ITGAL: variants seen among roughly 807,000 people sequenced by gnomAD.
The protein encoded by ITGAL is integrin subunit alpha L.
ITGAL carries 68 observed loss-of-function variants against 138.4 expected under a neutral mutation model. The ratio of observed to expected loss-of-function variants is 0.49; its 90% CI spans 0.40 to 0.60. ITGAL has a LOEUF of 0.60. Among genes scored for constraint, ITGAL ranks in the 20% least tolerant of loss-of-function variants. The probability of loss-of-function intolerance (pLI) is 0.00; values close to 1 mark genes in which losing one functional copy is unlikely to be tolerated. For synonymous variants in ITGAL, 561 were observed against 584.3 expected (o/e 0.96, Z 0.57); for missense variants, 1,256 against 1,478.6 (o/e 0.85, Z 2.47).
At chr16:30,506,658 C>A in intron 20 of ITGAL, 57 bp from the exon 21 acceptor site, 2 of 1,350,630 alleles carry the variant, frequency 1.5e-6, no homozygotes, top group African/African-American at 1.5e-5. Flanking sequence ...TCCCTCAGTT[C>A]TGATATTCCC....
At chr16:30,501,532 G>A (rs1244275185) in intron 17 of ITGAL, among the ~76,000 whole-genome samples, 10 of 149,592 alleles carry the variant, frequency 6.7e-5, no homozygotes, top group African/African-American at 2.5e-4. Context: ...AGCCGAGATC[G>A]TGCCATTGCA....
intron 4 of ITGAL, chr16:30,477,035 C>T (rs1467484207): frequency 6.6e-6 from 1 of 152,170 alleles, no homozygotes; most frequent in Non-Finnish European, 1.5e-5. Context: ...GAGACTTGAC[C>T]AAGGTCACAT....
At chr16:30,484,365 T>C (rs2050608273) in intron 9 of ITGAL, 102 bp downstream of exon 9, 1 of 1,159,012 alleles carries the variant, frequency 8.6e-7, no homozygotes, top group Admixed American at 2.2e-5. Context: ...TCCCAGCACT[T>C]TGGGAGGCCG....
In ITGAL at chr16:30,483,942, A is replaced by G; in HGVS notation, c.838A>G (p.Ile280Val). 6.2e-7 allele frequency: 1 copy of G among 1,613,494 alleles called. No homozygotes were observed. Among genetic ancestry groups the G allele is most frequent in the South Asian group, 1.1e-5 (1 of 91,084 alleles). The change falls in exon 8 of 31, where the codon ATC (isoleucine) becomes GTC (valine). Residue 280 changes from isoleucine to valine, a missense_variant. Around this residue, in one of 3 missense-constraint regions of ITGAL, gnomAD observed 177 missense variants for 288.8 expected, o/e 0.61. Transcript: ENST00000356798. ...SGNIDAAKDIIRYIIGIGKHF... is the reference protein window; with the variant it reads ...SGNIDAAKDIVRYIIGIGKHF... ...CAACATCGATGCGGCCAAAGACATC[A>G]TCCGCTACATCATCGGGGTAGGGCC...
intron 4 of ITGAL, 64 bp from the exon 5 acceptor site, chr16:30,479,027 T>A: frequency 8.0e-7 from 1 of 1,244,108 alleles, no homozygotes; most frequent in Non-Finnish European, 1.2e-6. Context: ...TAGTTTTGGT[T>A]GATGTTGCCC....
At chr16:30,515,927 G>A (rs998323351) in intron 25 of ITGAL, among the ~76,000 whole-genome samples, 4 of 151,356 alleles carry the variant, frequency 2.6e-5, no homozygotes, top group African/African-American at 7.3e-5. Flanking sequence ...AGCTGTGATC[G>A]TGCCATCGCA....
rs564808557 is a variant in ITGAL, at chr16:30,481,334, G to A, written c.577-105G>A. 9 of 919,944 alleles carry A rather than the reference G, an allele frequency of 9.8e-6. No homozygotes were observed. The South Asian group carries it at 1.3e-4, about 13-fold the overall frequency. The allele number at this position is 919,944 out of a possible 1,614,324, so 57.0% of individuals were successfully genotyped here. A position where few individuals can be genotyped will look rare whatever the true frequency, so the allele number is the denominator to read the frequency against. ...GCACTCCAGCCTGGGCAACAAGAGC[G>A]AAACTCCATCTAAAAAAAAAAAAAA... On this transcript the variant is annotated intron_variant, in intron 6 of 30. Coordinates refer to ENST00000356798, the MANE Select transcript of ITGAL (RefSeq NM_002209.3).
rs1156767705 is a variant in ITGAL, at chr16:30,504,195, C to T, written c.2166C>T (p.Ile722=). Residue 722 remains isoleucine (I), a synonymous_variant, in exon 18 of 31, where the codon ATC becomes ATT. Transcript: ENST00000356798. ...CTCAGGTATGTGTTCAAGACCTCAT[C>T]TCCCCCATCAATGTTTCCCTGAATT... ...FHFPVCVQDL[I]SPINVSLNFS... is the part of the protein sequence containing the mutation. 1 of 1,613,514 alleles carries T rather than the reference C, an allele frequency of 6.2e-7. No individual in the cohort carries two copies.
At chr16:30,476,296 G>C (rs1263027033) in intron 4 of ITGAL, among the ~76,000 whole-genome samples, 1 of 151,852 alleles carries the variant, frequency 6.6e-6, no homozygotes, top group Non-Finnish European at 1.5e-5. Context: ...AAAGTGCTGG[G>C]ATTACAGGTG....
In ITGAL at chr16:30,521,756, G is replaced by A. The variant is rs2051257739; in HGVS notation, c.*91G>A. The A allele has an allele frequency of 8.5e-6, 11 of 1,298,640 alleles. No individual in the cohort carries two copies. The highest frequency in any genetic ancestry group is 1.1e-5 in the Non-Finnish European group (10 of 942,552). 80.4% of individuals were successfully genotyped at this position (1,298,640 alleles called of 1,614,324 possible). ...TGCCTGCATTCTGCCGTGTGCCCTC[G>A]GGCGAGTCACTGCCTCTCCCTGGCC... On this transcript the variant is annotated 3_prime_UTR_variant, in exon 31 of 31. Transcript: ENST00000356798.
Position 30,511,097 on chromosome 16 carries a change from T to C in ITGAL, c.2747T>C (p.Ile916Thr). Reference sequence around the variant, plus strand: ...CTGGAGGACAACTCAGCCACTACCATCATCCCCATCCTGTACCCCATCAAC... The same window carrying C: ...CTGGAGGACAACTCAGCCACTACCACCATCCCCATCCTGTACCCCATCAAC... ...DLLEDNSATT[I>T]IPILYPINIL... The change falls in exon 24 of 31, where the codon ATC (isoleucine) becomes ACC (threonine). Residue 916 changes from isoleucine to threonine, a missense_variant. Around this residue, in one of 3 missense-constraint regions of ITGAL, gnomAD observed 867 missense variants for 972.5 expected, o/e 0.89. Coordinates refer to ENST00000356798, the MANE Select transcript of ITGAL (RefSeq NM_002209.3). The C allele has an allele frequency of 6.2e-7, 1 of 1,613,906 alleles. No individual in the cohort carries two copies. The highest frequency in any genetic ancestry group is 8.5e-7 in the Non-Finnish European group (1 of 1,179,896).
intron 25 of ITGAL, among the ~76,000 whole-genome samples, chr16:30,514,531 C>A (rs1262950933): frequency 6.7e-6 from 1 of 149,672 alleles, no homozygotes; most frequent in Admixed American, 6.7e-5. Flanking sequence ...CCCCTCGTGG[C>A]CTCTCAAAGT....
At chr16:30,507,344 A>G (rs2051017213) in intron 21 of ITGAL, among the ~76,000 whole-genome samples, 2 of 151,894 alleles carry the variant, frequency 1.3e-5, no homozygotes, top group South Asian at 4.1e-4. Flanking sequence ...CTGTAGTCCC[A>G]GCTACTCGGG....
chr16:30,505,870 C>G (rs1002333417), intron 20 of ITGAL, among the ~76,000 whole-genome samples: 1 of 152,154 alleles, frequency 6.6e-6, no homozygotes, highest in Admixed American at 6.6e-5. Flanking sequence ...AAGACTCTAT[C>G]TCTAAAAAAT....
chr16:30,484,475 G>C (rs1391093448), intron 9 of ITGAL, among the ~76,000 whole-genome samples: 3 of 151,770 alleles, frequency 2.0e-5, no homozygotes, highest in African/African-American at 4.8e-5. Flanking sequence ...CAGGTGTGGT[G>C]GTGGGTGCCT....
chr16:30,521,188 C>T (rs2051247689), intron 30 of ITGAL, among the ~76,000 whole-genome samples: 1 of 152,106 alleles, frequency 6.6e-6, no homozygotes, highest in South Asian at 2.1e-4. Context: ...GGGCAGATCA[C>T]TTGAGGTCAG....
chr16:30,505,088 A>G (rs2050966518), intron 18 of ITGAL, 156 bp from the exon 19 acceptor site: 4 of 537,180 alleles, frequency 7.4e-6, no homozygotes, highest in Middle Eastern at 5.2e-4. Context: ...GAGGCAGCAG[A>G]GTGGGGCAGC....
chr16:30,505,276 C>T lies in ITGAL; in HGVS notation c.2268C>T (p.Pro756=), dbSNP rs540402033. ...AGGACATACCGCCCATCCTGAGACC[C>T]TCCCTGCACTCGGAAACCTGGGAGG... is the stretch of plus-strand genomic sequence containing the variant. ...QGKDIPPILR[P]SLHSETWEIP... Residue 756 remains proline, a synonymous_variant, in exon 19 of 31, where the codon CCC becomes CCT. Coordinates refer to ENST00000356798, the MANE Select transcript of ITGAL (RefSeq NM_002209.3). 1 of 1,612,148 alleles carries T rather than the reference C, an allele frequency of 6.2e-7. No homozygotes were observed. Among genetic ancestry groups the T allele is most frequent in the South Asian group, 1.1e-5 (1 of 90,950 alleles).
rs147713219 is a variant in ITGAL, at chr16:30,496,558, C to T, written c.1824C>T (p.Ile608=). 2.4e-5 allele frequency: 39 copies of T among 1,612,854 alleles called. No individual in the cohort carries two copies. The African/African-American group carries it at 4.3e-4, about 18-fold the overall frequency. The part of the protein sequence containing the change: ...DVAVGAESQM[I]VLSSRPVVDM... Reference sequence around the variant, plus strand: ...CTGTGGGGGCTGAGAGCCAGATGATCGTGCTGAGGTGAGATGGGTCTCCCA... The same window carrying T: ...CTGTGGGGGCTGAGAGCCAGATGATTGTGCTGAGGTGAGATGGGTCTCCCA... Residue 608 remains isoleucine (I), a synonymous_variant, in exon 15 of 31, where the codon ATC becomes ATT. Coordinates refer to ENST00000356798, the MANE Select transcript of ITGAL (RefSeq NM_002209.3).
Sources: allele counts gnomAD v4.1 joint callset (sites outside exome capture counted in the v4.1 genomes callset), GRCh38; gene constraint gnomAD v4.1.1; regional missense constraint gnomAD v4.1.1; transcripts MANE v1.5; gene names NCBI Gene and HGNC (gene_info 2026-07-23, HGNC 2026-07-21).